CTSE: variants seen among roughly 807,000 people sequenced by gnomAD.
CTSE encodes the protein cathepsin E.
In CTSE, 43 loss-of-function variants were observed where a neutral mutation model predicts 42.8. The ratio of observed to expected loss-of-function variants is 1.01; its 90% CI spans 0.79 to 1.30. The LOEUF (loss-of-function observed/expected upper bound fraction) is 1.30, where lower values mean the gene tolerates loss of function less well. Ranked by LOEUF, CTSE falls within the 50% of genes most tolerant of loss-of-function variation. CTSE has a pLI of 0.00. For synonymous variants in CTSE, 205 were observed against 191.5 expected (o/e 1.07, Z -0.58); for missense variants, 532 against 493.5 (o/e 1.08, Z -0.74).
Position 206,009,738 on chromosome 1 carries a change from G to C in CTSE, c.*445C>G, listed in dbSNP as rs1661029542. On this transcript the variant is annotated 3_prime_UTR_variant, in exon 9 of 9. Transcript: ENST00000358184. ...TCGGAATTTGCTTCAGAATGATCCAGGTACAGCATGTGGAGCTGGAGAGAG... is the reference window on the plus strand; with the variant it reads ...TCGGAATTTGCTTCAGAATGATCCACGTACAGCATGTGGAGCTGGAGAGAG... The C allele has an allele frequency of 6.0e-6, 1 of 166,170 alleles. No homozygotes were observed. Among genetic ancestry groups the C allele is most frequent in the African/African-American group, 2.4e-5 (1 of 41,750 alleles). The allele number at this position is 166,170 out of a possible 1,614,324, so 10.3% of individuals were successfully genotyped here. A position where few individuals can be genotyped will look rare whatever the true frequency, so the allele number is the denominator to read the frequency against.
chr1:206,016,715 G>GT (rs1456852138), intron 4 of CTSE, among the ~76,000 whole-genome samples: 1 of 152,066 alleles, frequency 6.6e-6, no homozygotes, highest in Non-Finnish European at 1.5e-5. Flanking sequence ...ACATACTGCA[G>GT]TATCTTGTTC....
chr1:206,011,773 G>A (rs1553276992), intron 8 of CTSE, among the ~76,000 whole-genome samples: 1 of 152,068 alleles, frequency 6.6e-6, no homozygotes, highest in African/African-American at 2.4e-5. Context: ...GCTCATAGGT[G>A]TCCAAAAGGT....
chr1:206,021,036 G>A lies in CTSE; in HGVS notation c.462+13C>T. 6.4e-7 allele frequency: 1 copy of A among 1,553,878 alleles called. No individual in the cohort carries two copies. The highest frequency in any genetic ancestry group is 1.1e-5 in the South Asian group (1 of 89,952). ...TCTGTCCAAGAGAGAAAAAATGAAG[G>A]ACTTGCACTCACAGAGACTTGGTCG... On this transcript the variant is annotated intron_variant, in intron 4 of 8. Coordinates refer to ENST00000358184, the MANE Select transcript of CTSE (RefSeq NM_001910.4).
intron 4 of CTSE, 51 bp downstream of exon 4, chr1:206,020,998 A>G (rs1553278280): frequency 2.3e-6 from 3 of 1,311,804 alleles, no homozygotes; most frequent in Non-Finnish European, 3.3e-6. Context: ...CCTCTGAATA[A>G]GTCTCCCAAG....
chr1:206,018,432 T>C (rs138353984), intron 4 of CTSE, among the ~76,000 whole-genome samples: 2,047 of 152,154 alleles, frequency 0.013, 49 homozygotes, highest in African/African-American at 0.046. Flanking sequence ...AAAGTTATGC[T>C]GGTTTCATAA....
Position 206,015,911 on chromosome 1 carries a change from A to G in CTSE, c.662+20T>C, listed in dbSNP as rs782172457. 3 of 1,610,910 alleles carry G rather than the reference A, an allele frequency of 1.9e-6. No homozygotes were observed. Among genetic ancestry groups the G allele is most frequent in the Non-Finnish European group, 2.5e-6 (3 of 1,177,512 alleles). On this transcript the variant is annotated intron_variant, in intron 5 of 8. Transcript: ENST00000358184. ...TGTAGTTATAACTGACTTTAACCTC[A>G]CAGACTTGATGGGCCTTACCTGCTC...
chr1:206,016,176 A>T, intron 4 of CTSE, 46 bp from the exon 5 acceptor site: 1 of 1,571,354 alleles, frequency 6.4e-7, no homozygotes, highest in South Asian at 1.1e-5. Flanking sequence ...GGCACAGGGG[A>T]TTGCTGGCAA....
At chr1:206,023,388 C>T (rs1661509053) in intron 1 of CTSE, among the ~76,000 whole-genome samples, 1 of 151,892 alleles carries the variant, frequency 6.6e-6, no homozygotes, top group South Asian at 2.1e-4. Context: ...GACAGAAAAA[C>T]TCTTGGGGAC....
Position 206,023,797 on chromosome 1 carries a change from G to T in CTSE, c.-6C>A. 6.2e-7 allele frequency: 1 copy of T among 1,613,420 alleles called. No homozygotes were observed. The highest frequency in any genetic ancestry group is 8.5e-7 in the Non-Finnish European group (1 of 1,179,582). ...AAAAGAAGGAGCGTTTTCATTGTGA[G>T]TCCGACCAGCAGCTTCTCCCTTGCC... is the stretch of plus-strand genomic sequence containing the variant. On this transcript the variant is annotated 5_prime_UTR_variant, in exon 1 of 9. Transcript: ENST00000358184.
In CTSE at chr1:206,010,032, T is replaced by C; in HGVS notation, c.*151A>G. 2 of 742,366 alleles carry C rather than the reference T, an allele frequency of 2.7e-6. No homozygotes were observed. The highest frequency in any genetic ancestry group is 3.3e-5 in the South Asian group (2 of 59,876). The allele number at this position is 742,366 out of a possible 1,614,324, so 46.0% of individuals were successfully genotyped here. A position where few individuals can be genotyped will look rare whatever the true frequency, so the allele number is the denominator to read the frequency against. On this transcript the variant is annotated 3_prime_UTR_variant, in exon 9 of 9. Transcript: ENST00000358184. ...GTGTGTATATGTGTGTGTGTGTGTG[T>C]ATTCTCATGTTCTGTTTGGTCTTAA... is the stretch of plus-strand genomic sequence containing the variant.
rs923570648 is a variant in CTSE at position 206,012,738 on chromosome 1, G to A, written c.786-89C>T. 2.8e-6 allele frequency: 4 copies of A among 1,416,896 alleles called. No homozygotes were observed. The African/African-American group carries it at 4.2e-5, about 15-fold the overall frequency. The allele number at this position is 1,416,896 out of a possible 1,614,324, so 87.8% of individuals were successfully genotyped here. ...TTTTTTGGCCTCTCAAATGCCTGGA[G>A]CACATCAATGATTTCCACCCACCAT... On this transcript the variant is annotated intron_variant, in intron 6 of 8. Coordinates refer to ENST00000358184, the MANE Select transcript of CTSE (RefSeq NM_001910.4).
In CTSE at chr1:206,023,193, C is replaced by A. The variant is rs182775688; in HGVS notation, c.69-136G>T. 2.0e-5 allele frequency: 18 copies of A among 890,664 alleles called. No homozygotes were observed. The East Asian group carries it at 4.7e-4, about 23-fold the overall frequency. The allele number at this position is 890,664 out of a possible 1,614,324, so 55.2% of individuals were successfully genotyped here. On this transcript the variant is annotated intron_variant, in intron 1 of 8. Transcript: ENST00000358184. Reference sequence around the variant, plus strand: ...GATCTGCAAGACAGCACGCAGGATACAGGTGGGATCAGCGTCCTCTCTGCC... The same window carrying A: ...GATCTGCAAGACAGCACGCAGGATAAAGGTGGGATCAGCGTCCTCTCTGCC...
At chr1:206,019,682 A>G (rs1553278101) in intron 4 of CTSE, among the ~76,000 whole-genome samples, 4 of 148,004 alleles carry the variant, frequency 2.7e-5, no homozygotes, top group African/African-American at 9.8e-5. Flanking sequence ...TTTTATATAT[A>G]TATTATATGT....
At chr1:206,015,840 AAACC>A (rs1661244642) in intron 5 of CTSE, 87 bp downstream of exon 5, 1 of 1,176,628 alleles carries the variant, frequency 8.5e-7, no homozygotes, top group Non-Finnish European at 1.2e-6. Flanking sequence ...CAAGCTACCT[AAACC>A]AGGTCTTTTG....
intron 1 of CTSE, 110 bp from the exon 2 acceptor site, chr1:206,023,167 G>GC: frequency 1.9e-6 from 1 of 516,178 alleles, no homozygotes; most frequent in Non-Finnish European, 3.6e-6. Flanking sequence ...TGGGAGGGGG[G>GC]GATCTGCAAG....
chr1:206,010,222 A>T lies in CTSE; in HGVS notation c.1152T>A (p.Arg384=), dbSNP rs1199333611. The T allele has an allele frequency of 6.2e-7, 1 of 1,613,662 alleles. No individual in the cohort carries two copies. Among genetic ancestry groups the T allele is most frequent in the Non-Finnish European group, 8.5e-7 (1 of 1,179,818 alleles). Reference sequence around the variant, plus strand: ...GGGCCAGTCCCACACGGTTATTCCCACGGTCAAAGACTGAGTAAAACTGTC... The same window carrying T: ...GGGCCAGTCCCACACGGTTATTCCCTCGGTCAAAGACTGAGTAAAACTGTC... ...FIRQFYSVFD[R]GNNRVGLAPA... The change falls in exon 9 of 9, where the codon CGT becomes CGA. Residue 384 remains arginine (R), a synonymous_variant. Transcript: ENST00000358184.
At chr1:206,020,280 A>G (rs1240679991) in intron 4 of CTSE, among the ~76,000 whole-genome samples, 3 of 151,704 alleles carry the variant, frequency 2.0e-5, no homozygotes, top group Non-Finnish European at 2.9e-5. Context: ...TTTTACATAG[A>G]TGGTGTTTTT....
At chr1:206,010,981 G>A (rs1288669615) in intron 8 of CTSE, among the ~76,000 whole-genome samples, 1 of 151,992 alleles carries the variant, frequency 6.6e-6, no homozygotes, top group African/African-American at 2.4e-5. Context: ...TGCTGATGAG[G>A]GTGTGGGAAA....
rs1553277674 is a variant in CTSE, at chr1:206,016,032, C to T, written c.561G>A (p.Leu187=). ...CTCCCACAGCCAAGGAGGGGTATCC[C>T]AGGCCCAGAATTCCATCAAACTCTG... ...VDAEFDGILG[L]GYPSLAVGGV... is the part of the protein sequence containing the mutation. Residue 187 remains leucine (L), a synonymous_variant, in exon 5 of 9, where the codon CTG becomes CTA. Coordinates refer to ENST00000358184, the MANE Select transcript of CTSE (RefSeq NM_001910.4). The T allele has an allele frequency of 2.5e-6, 4 of 1,613,810 alleles. No homozygotes were observed.
Sources: gnomAD v4.1 joint callset for allele counts (sites outside exome capture counted in the v4.1 genomes callset) on GRCh38, gnomAD v4.1.1 for gene constraint, MANE v1.5 for transcripts, NCBI Gene and HGNC (gene_info 2026-07-23, HGNC 2026-07-21) for gene names.